Variants in DSCAML1 observed in about 807,000 individuals in gnomAD.
DSCAML1 encodes DS cell adhesion molecule like 1, also known as cell adhesion molecule DSCAML1.
In DSCAML1, 38 loss-of-function variants were observed where a neutral mutation model predicts 200.5. That is an observed-to-expected ratio of 0.19 (90% confidence interval 0.15 to 0.25). The LOEUF (loss-of-function observed/expected upper bound fraction) is 0.25. Among genes scored for constraint, DSCAML1 ranks in the 10% least tolerant of loss-of-function variants. The probability of loss-of-function intolerance (pLI) is 1.00; values close to 1 mark genes in which losing one functional copy is unlikely to be tolerated. For missense variants in DSCAML1, 2,223 were observed against 2,858.8 expected (o/e 0.78, Z 5.07); for synonymous variants, 1,215 against 1,165.0 (o/e 1.04, Z -0.87).
At chr11:117,677,648 G>A (rs1342752241) in intron 3 of DSCAML1, among the ~76,000 whole-genome samples, 1 of 152,198 alleles carries the variant, frequency 6.6e-6, no homozygotes, top group East Asian at 1.9e-4. Flanking sequence ...CAAGGGGCAA[G>A]TAGACATCAT....
intron 32 of DSCAML1, among the ~76,000 whole-genome samples, chr11:117,429,330 C>A (rs1409325953): frequency 1.3e-5 from 2 of 152,214 alleles, no homozygotes; most frequent in African/African-American, 4.8e-5. Context: ...CCCATGGCAG[C>A]CTTCCAGATG....
At chr11:117,793,142 A>G (rs963653600) in intron 1 of DSCAML1, among the ~76,000 whole-genome samples, 2 of 152,220 alleles carry the variant, frequency 1.3e-5, no homozygotes, top group Admixed American at 1.3e-4. Context: ...GTGAGCATGC[A>G]AATCCATATG....
chr11:117,594,815 G>A (rs1326335804), intron 3 of DSCAML1, among the ~76,000 whole-genome samples: 1 of 152,168 alleles, frequency 6.6e-6, no homozygotes, highest in East Asian at 1.9e-4. Flanking sequence ...AGGGATGAAA[G>A]ATGTGTTCCT....
Position 117,480,456 on chromosome 11 carries a change from G to A in DSCAML1, c.2772C>T (p.Tyr924=), listed in dbSNP as rs2048889937. Residue 924 remains tyrosine, a synonymous_variant, in exon 14 of 33, where the codon TAC becomes TAT. Transcript: ENST00000651296. The surrounding 1 kb of genome is among the most constrained non-coding windows in gnomAD (Gnocchi z 4.1). ...NSIITGFDIE[Y]KNKSDSWDFK... ...CCCAGCGCCTACCTGATTTGTTCTT[G>A]TATTCAATGTCGAAGCCCGTGATGA... 3 of 1,613,686 alleles carry A rather than the reference G, an allele frequency of 1.9e-6. No homozygotes were observed. The highest frequency in any genetic ancestry group is 1.1e-5 in the South Asian group (1 of 90,880).
intron 3 of DSCAML1, among the ~76,000 whole-genome samples, chr11:117,734,014 G>A (rs1202827836): frequency 6.6e-6 from 1 of 152,062 alleles, no homozygotes; most frequent in Non-Finnish European, 1.5e-5. Context: ...TCAAATCTCA[G>A]GGACCAATTG....
intron 3 of DSCAML1, among the ~76,000 whole-genome samples, chr11:117,713,934 G>A (rs1175224419): frequency 2.0e-5 from 3 of 152,174 alleles, no homozygotes. Flanking sequence ...GAGCAGCACG[G>A]CACTGGTTAG....
intron 3 of DSCAML1, among the ~76,000 whole-genome samples, chr11:117,557,812 G>A (rs1220510430): frequency 1.3e-5 from 2 of 151,840 alleles, no homozygotes; most frequent in Non-Finnish European, 2.9e-5. Flanking sequence ...TCTATCTAGG[G>A]TGTAGATCTA....
chr11:117,721,393 G>A (rs904336193), intron 3 of DSCAML1, among the ~76,000 whole-genome samples: 7 of 152,090 alleles, frequency 4.6e-5, no homozygotes, highest in African/African-American at 1.7e-4. Context: ...AAGGGTAATA[G>A]TCACCCCCTC....
At position 117,435,715 on chromosome 11, in the gene DSCAML1, G is replaced by C. The variant is rs1355671339; in HGVS notation, c.4805C>G (p.Ala1602Gly). Residue 1602 changes from alanine (A) to glycine (G), a missense_variant, in exon 27 of 33, where the codon GCC becomes GGC. Physicochemically the swap from Ala to Gly is moderately conservative, Grantham distance 60 (BLOSUM62 0). Coordinates refer to ENST00000651296, the MANE Select transcript of DSCAML1 (RefSeq NM_020693.4). ...LFTIGCPVIL[A>G]TLGVALLFIV... is the part of the protein sequence containing the mutation. ...GAAGAGCAGTGCCACCCCCAGTGTG[G>C]CCAGGATGACAGGGCAGCCGATGGT... is the stretch of plus-strand genomic sequence containing the variant. 2 of 1,613,214 alleles carry C rather than the reference G, an allele frequency of 1.2e-6. No individual in the cohort carries two copies. The highest frequency in any genetic ancestry group is 3.3e-5 in the Admixed American group (2 of 60,000).
chr11:117,813,081 T>G (rs1299609333), intron 1 of DSCAML1, among the ~76,000 whole-genome samples: 1 of 152,112 alleles, frequency 6.6e-6, no homozygotes, highest in Non-Finnish European at 1.5e-5. Context: ...CAGCCAAGCA[T>G]TTTTTCAGGC....
intron 1 of DSCAML1, among the ~76,000 whole-genome samples, chr11:117,804,086 C>T (rs1248964811): frequency 1.3e-5 from 2 of 152,260 alleles, no homozygotes; most frequent in African/African-American, 4.8e-5. Context: ...CCTCCAGCCA[C>T]TCTGAGCAGG....
intron 5 of DSCAML1, among the ~76,000 whole-genome samples, chr11:117,521,716 G>A (rs1273396844): frequency 6.6e-6 from 1 of 152,122 alleles, no homozygotes; most frequent in Non-Finnish European, 1.5e-5. Context: ...GAGGAGGGCG[G>A]AGACTTGACT....
intron 3 of DSCAML1, among the ~76,000 whole-genome samples, chr11:117,755,748 A>G (rs2054678167): frequency 6.6e-6 from 1 of 152,122 alleles, no homozygotes; most frequent in African/African-American, 2.4e-5. Flanking sequence ...CCCCACCCAC[A>G]GGAGATCTCT....
intron 32 of DSCAML1, among the ~76,000 whole-genome samples, chr11:117,429,281 G>A (rs2137053131): frequency 6.6e-6 from 1 of 152,328 alleles, no homozygotes; most frequent in East Asian, 1.9e-4. Flanking sequence ...GCCTGGTTCT[G>A]TTCTCTGAGG....
intron 19 of DSCAML1, among the ~76,000 whole-genome samples, chr11:117,451,945 T>C (rs746157672): frequency 6.6e-6 from 1 of 152,216 alleles, no homozygotes; most frequent in Non-Finnish European, 1.5e-5. Context: ...AATGTTTTCT[T>C]TCCTAGTCAA....
intron 21 of DSCAML1, among the ~76,000 whole-genome samples, chr11:117,442,087 CATGT>C (rs1456249944): frequency 9.6e-5 from 14 of 145,906 alleles, no homozygotes; most frequent in South Asian, 4.9e-4. Context: ...TGTGCACATG[CATGT>C]GAGTGCATGT....
chr11:117,433,024 G>A (rs1404945062), intron 29 of DSCAML1, 114 bp downstream of exon 29: 11 of 865,982 alleles, frequency 1.3e-5, no homozygotes, highest in Non-Finnish European at 2.1e-5. Flanking sequence ...TGGTTGATGG[G>A]GCTACTGCCA....
At chr11:117,613,846 G>T (rs1172041571) in intron 3 of DSCAML1, among the ~76,000 whole-genome samples, 1 of 152,174 alleles carries the variant, frequency 6.6e-6, no homozygotes, top group Non-Finnish European at 1.5e-5. Context: ...CCCCTGCAGA[G>T]CTCAGAGGTC....
At chr11:117,660,394 A>C (rs1456815734) in intron 3 of DSCAML1, among the ~76,000 whole-genome samples, 3 of 152,188 alleles carry the variant, frequency 2.0e-5, no homozygotes, top group Admixed American at 1.3e-4. Context: ...GGCTTTCCCC[A>C]TCTGGGCCCC....
Sources: gnomAD v4.1 joint callset for allele counts (sites outside exome capture counted in the v4.1 genomes callset) on GRCh38, gnomAD v4.1.1 for gene constraint, Gnocchi (gnomAD v3.1) non-coding constraint, MANE v1.5 for transcripts, NCBI Gene and HGNC (gene_info 2026-07-23, HGNC 2026-07-21) for gene names.